The following PLEKHA7 variants were observed in gnomAD, a reference collection of about 807,000 sequenced individuals.
PLEKHA7 encodes pleckstrin homology domain-containing family A member 7.
A neutral mutation model predicts 170.0 loss-of-function variants in PLEKHA7; 104 were observed. The observed-to-expected ratio is 0.61, with a 90% CI of 0.52 to 0.72. The LOEUF is 0.72. Ranked by LOEUF, PLEKHA7 falls within the 30% of genes least tolerant of loss-of-function variation. The pLI, the probability that PLEKHA7 is intolerant of heterozygous loss-of-function variation, is 0.00. For missense variants in PLEKHA7, 1,615 were observed against 1,671.7 expected, an observed-to-expected ratio of 0.97 and a Z score of 0.59; for synonymous variants, 648 against 660.8, an observed-to-expected ratio of 0.98 and a Z score of 0.30.
intron 3 of PLEKHA7, among the ~76,000 whole-genome samples, chr11:16,932,840 A>G (rs1249473385): frequency 1.3e-5 from 2 of 152,136 alleles, no homozygotes; most frequent in Non-Finnish European, 2.9e-5. Context: ...CTGGCACAAG[A>G]ATAGATGGGA....
Position 16,789,717 on chromosome 11 carries a change from G to T in PLEKHA7, c.3156+58C>A. ...ATGGCCAGTTACTGTCCCCCTGGGAGACCCTCCCTCCCCATGTGAAGGAGC... is the reference window on the plus strand; with the variant it reads ...ATGGCCAGTTACTGTCCCCCTGGGATACCCTCCCTCCCCATGTGAAGGAGC... On this transcript the variant is annotated intron_variant, in intron 22 of 26. Coordinates refer to ENST00000531066, the MANE Select transcript of PLEKHA7 (RefSeq NM_001329630.2). The surrounding 1 kb of genome is among the most constrained non-coding windows in gnomAD (Gnocchi z 4.6). The T allele has an allele frequency of 6.8e-7, 1 of 1,481,402 alleles. No homozygotes were observed. Among genetic ancestry groups the T allele is most frequent in the Non-Finnish European group, 9.4e-7 (1 of 1,067,636 alleles). The allele number at this position is 1,481,402 out of a possible 1,614,324, so 91.8% of individuals were successfully genotyped here.
intron 19 of PLEKHA7, among the ~76,000 whole-genome samples, chr11:16,793,229 C>A (rs1847980530): frequency 6.6e-6 from 1 of 152,240 alleles, no homozygotes; most frequent in African/African-American, 2.4e-5. Flanking sequence ...TCCCCTACGC[C>A]CTGTCCCAGC....
intron 10 of PLEKHA7, among the ~76,000 whole-genome samples, chr11:16,818,830 G>A (rs1366061559): frequency 1.3e-5 from 2 of 150,548 alleles, no homozygotes; most frequent in Admixed American, 1.3e-4. Flanking sequence ...TTGAGACAGA[G>A]TCTTGCTCTT....
intron 3 of PLEKHA7, among the ~76,000 whole-genome samples, chr11:16,941,003 A>G (rs939148896): frequency 2.6e-5 from 4 of 152,190 alleles, no homozygotes; most frequent in African/African-American, 9.7e-5. Flanking sequence ...GATTCAGTGA[A>G]GATGTGGCAT....
chr11:16,829,776 A>T (rs1291089681), intron 9 of PLEKHA7, among the ~76,000 whole-genome samples: 1 of 152,204 alleles, frequency 6.6e-6, no homozygotes, highest in Non-Finnish European at 1.5e-5. Flanking sequence ...CTCCGCCTCA[A>T]AAAAGAAAAA....
Position 16,817,272 on chromosome 11 carries a change from G to C in PLEKHA7, c.1394C>G (p.Ser465Cys). 6.2e-7 allele frequency: 1 copy of C among 1,613,384 alleles called. No homozygotes were observed. Among genetic ancestry groups the C allele is most frequent in the Non-Finnish European group, 8.5e-7 (1 of 1,180,006 alleles). ...AAGAGTCTGGTAGTTTTCTGGGAAG[G>C]ACAGGGATTGGCCAGGACCCTGGCG... The part of the protein sequence containing the change: ...LPRQGPGQSL[S>C]FPENYQTLPK... The change falls in exon 11 of 27, where the codon TCC becomes TGC. Residue 465 changes from serine (S) to cysteine (C), a missense_variant. Transcript: ENST00000531066. This position sits in a 1 kb window ranked among gnomAD's most constrained non-coding sequence, Gnocchi z 4.4.
chr11:16,782,173 C>A (rs217757), intron 26 of PLEKHA7, among the ~76,000 whole-genome samples: 56,410 of 151,056 alleles, frequency 0.37, 10,506 homozygotes, highest in East Asian at 0.39. Context: ...ACACACACAC[C>A]CACACACACA....
chr11:16,936,426 ATCAGGTCTCTATTAG>A (rs1860308505), intron 3 of PLEKHA7, among the ~76,000 whole-genome samples: 1 of 148,482 alleles, frequency 6.7e-6, no homozygotes, highest in Non-Finnish European at 1.5e-5. Flanking sequence ...AAAAAAAAAA[ATCAGGTCTCTATTAG>A]AATAATGACA....
At chr11:16,784,271 A>G (rs1048177219) in intron 24 of PLEKHA7, among the ~76,000 whole-genome samples, 10 of 151,742 alleles carry the variant, frequency 6.6e-5, no homozygotes, top group African/African-American at 2.2e-4. Context: ...CATCTTTTCA[A>G]CCTCACTTTG....
chr11:16,926,783 G>T (rs987883601), intron 3 of PLEKHA7, among the ~76,000 whole-genome samples: 1 of 152,204 alleles, frequency 6.6e-6, no homozygotes, highest in African/African-American at 2.4e-5. Flanking sequence ...CTTTTATCCA[G>T]GTGGGGCATA....
chr11:16,838,863 T>A (rs1478653296), intron 9 of PLEKHA7, among the ~76,000 whole-genome samples: 2 of 152,044 alleles, frequency 1.3e-5, no homozygotes, highest in Non-Finnish European at 2.9e-5. Context: ...ATTTTTCATA[T>A]TTTTAGTAGA....
intron 3 of PLEKHA7, among the ~76,000 whole-genome samples, chr11:16,906,593 G>T (rs1279299308): frequency 1.4e-5 from 2 of 138,842 alleles, no homozygotes; most frequent in Non-Finnish European, 3.0e-5. Context: ...GAGGTGCCGG[G>T]ATGGCAGACG....
At chr11:16,807,696 CATGATT>C (rs1449201918) in intron 13 of PLEKHA7, among the ~76,000 whole-genome samples, 2 of 152,220 alleles carry the variant, frequency 1.3e-5, no homozygotes, top group Non-Finnish European at 2.9e-5. Flanking sequence ...GGTGCATCTA[CATGATT>C]ATGTCTTACC....
intron 3 of PLEKHA7, among the ~76,000 whole-genome samples, chr11:16,946,776 TC>T (rs1861055442): frequency 6.6e-6 from 1 of 152,070 alleles, no homozygotes; most frequent in South Asian, 2.1e-4. Context: ...TCTGTTAGAC[TC>T]GGGCTCCAGC....
intron 3 of PLEKHA7, among the ~76,000 whole-genome samples, chr11:16,978,879 C>G (rs770964700): frequency 2.7e-4 from 41 of 152,178 alleles, no homozygotes; most frequent in Non-Finnish European, 5.9e-5. Flanking sequence ...AGTACTCATA[C>G]AAATATGCCT....
intron 3 of PLEKHA7, among the ~76,000 whole-genome samples, chr11:16,955,115 G>A (rs749456121): frequency 3.9e-5 from 6 of 152,080 alleles, no homozygotes; most frequent in African/African-American, 9.7e-5. Flanking sequence ...ACTGTTGAAC[G>A]CAAAGCACTA....
At chr11:16,917,613 T>G (rs762281877) in intron 3 of PLEKHA7, among the ~76,000 whole-genome samples, 6 of 152,240 alleles carry the variant, frequency 3.9e-5, no homozygotes, top group African/African-American at 9.6e-5. Flanking sequence ...ACTCTGATCT[T>G]ATAAGGACCC....
intron 3 of PLEKHA7, among the ~76,000 whole-genome samples, chr11:16,988,647 C>T (rs917538229): frequency 7.6e-6 from 1 of 132,338 alleles, no homozygotes; most frequent in African/African-American, 3.0e-5. Flanking sequence ...AAGGTTTCAC[C>T]ATGTTGGCCA....
rs1007813789 is a variant in PLEKHA7, at chr11:16,947,950, GA to G, written c.221+66038del. Reference sequence around the variant, plus strand: ...AAAAAAAAGAAAAAAAAGAAAAAAAGAAAAGAAAACATGCATATATATACAT... The same window carrying G: ...AAAAAAAAGAAAAAAAAGAAAAAAAGAAAGAAAACATGCATATATATACAT... On this transcript the variant is annotated intron_variant, in intron 3 of 26. Coordinates refer to ENST00000531066, the MANE Select transcript of PLEKHA7 (RefSeq NM_001329630.2). Among the ~76,000 whole-genome samples the G allele has an allele frequency of 2.6e-3, 383 of 148,518 alleles. 3 individuals are homozygous for G. Among genetic ancestry groups the G allele is most frequent in the Non-Finnish European group, 4.9e-3 (330 of 67,138 alleles).
Sources: allele counts gnomAD v4.1 joint callset (sites outside exome capture counted in the v4.1 genomes callset), GRCh38; gene constraint gnomAD v4.1.1; non-coding constraint Gnocchi (gnomAD v3.1); transcripts MANE v1.5; gene names NCBI Gene and HGNC (gene_info 2026-07-23, HGNC 2026-07-21).